Variants in NYAP2 observed in about 807,000 individuals in gnomAD.
The protein encoded by NYAP2 is neuronal tyrosine-phosphorylated phosphoinositide-3-kinase adapter 2.
In NYAP2, 23 loss-of-function variants were observed where a neutral mutation model predicts 50.4. That is an observed-to-expected ratio of 0.46 (90% CI 0.33 to 0.65). The LOEUF (loss-of-function observed/expected upper bound fraction) is 0.65, where lower values mean the gene tolerates loss of function less well. NYAP2 is among the 30% of genes least tolerant of loss of function. The pLI is 0.02. For missense variants in NYAP2, 885 were observed against 861.0 expected, an observed-to-expected ratio of 1.03 and a Z score of -0.35; for synonymous variants, 394 against 365.2, an observed-to-expected ratio of 1.08 and a Z score of -0.90.
chr2:225,693,547 T>G, the NYAP2 span, among the ~76,000 whole-genome samples: 1 of 151,984 alleles, frequency 6.6e-6, no homozygotes, highest in African/African-American at 2.4e-5. Context: ...CAAAAAGTTA[T>G]TTTTCACCGT....
intron 4 of NYAP2, among the ~76,000 whole-genome samples, chr2:225,579,094 G>GGAGA (rs34026452): frequency 0.034 from 4,946 of 147,390 alleles, 109 homozygotes; most frequent in Admixed American, 0.067. Context: ...AGAAGAGAGG[G>GGAGA]GAGAGAGAGA....
chr2:225,604,637 G>A (rs1692752940), intron 5 of NYAP2, among the ~76,000 whole-genome samples: 3 of 150,102 alleles, frequency 2.0e-5, no homozygotes, highest in Admixed American at 2.0e-4. Flanking sequence ...CATTTACAAT[G>A]TCATTTTGGA....
chr2:225,409,837 G>A (rs1695004936), intron 3 of NYAP2, among the ~76,000 whole-genome samples: 2 of 152,086 alleles, frequency 1.3e-5, no homozygotes, highest in Non-Finnish European at 2.9e-5. Context: ...GTGGTACAGA[G>A]AGAGACACCT....
At position 225,577,812 on chromosome 2, in the gene NYAP2, T is replaced by C. The variant is rs1426441961; in HGVS notation, c.524-4129T>C. Among the ~76,000 whole-genome samples the C allele has an allele frequency of 2.6e-5, 4 of 151,800 alleles. No homozygotes were observed. The East Asian group carries it at 7.7e-4, about 29-fold the overall frequency. On this transcript the variant is annotated intron_variant, in intron 4 of 6. Coordinates refer to ENST00000636099, the Ensembl canonical transcript of NYAP2. ...GTCAGGGAATGAAAAGCAGATTTTT[T>C]TTTTTTTTTAAAAAAAGAAGCCCCT...
At chr2:225,577,628 T>C (rs933603015) in intron 4 of NYAP2, among the ~76,000 whole-genome samples, 1 of 152,118 alleles carries the variant, frequency 6.6e-6, no homozygotes, top group Admixed American at 6.5e-5. Context: ...ACTCAATACT[T>C]GCACTAAGGT....
At chr2:225,413,978 A>G (rs1695086295) in intron 3 of NYAP2, among the ~76,000 whole-genome samples, 1 of 152,148 alleles carries the variant, frequency 6.6e-6, no homozygotes, top group South Asian at 2.1e-4. Flanking sequence ...TGGAAATAGG[A>G]TTTCGTATGA....
chr2:225,541,172 T>G (rs772175845), intron 4 of NYAP2, among the ~76,000 whole-genome samples: 1 of 152,196 alleles, frequency 6.6e-6, no homozygotes, highest in Non-Finnish European at 1.5e-5. Context: ...TTGAGCTCCT[T>G]ATATATTCAG....
At chr2:225,440,015 C>A (rs927707637) in intron 3 of NYAP2, among the ~76,000 whole-genome samples, 12 of 152,166 alleles carry the variant, frequency 7.9e-5, no homozygotes, top group African/African-American at 2.9e-4. Flanking sequence ...ACCATCAGAT[C>A]TTGTGAGACT....
At chr2:225,677,645 G>A in the NYAP2 span, among the ~76,000 whole-genome samples, 1 of 152,064 alleles carries the variant, frequency 6.6e-6, no homozygotes, top group Non-Finnish European at 1.5e-5. Flanking sequence ...TTTTATTGAA[G>A]TCTTTCTCTG....
chr2:225,572,444 G>T (rs557300521), intron 4 of NYAP2, among the ~76,000 whole-genome samples: 25 of 152,278 alleles, frequency 1.6e-4, no homozygotes, highest in African/African-American at 5.8e-4. Flanking sequence ...TCACAGGGGT[G>T]CAGGAGAGAG....
intron 3 of NYAP2, among the ~76,000 whole-genome samples, chr2:225,512,707 CT>C (rs1167804462): frequency 7.4e-6 from 1 of 135,426 alleles, no homozygotes; most frequent in Non-Finnish European, 1.6e-5. Flanking sequence ...TTTGCTTTTT[CT>C]TTTTTCTTTT....
At chr2:225,548,130 T>A (rs1691615790) in intron 4 of NYAP2, among the ~76,000 whole-genome samples, 1 of 151,884 alleles carries the variant, frequency 6.6e-6, no homozygotes, top group Non-Finnish European at 1.5e-5. Flanking sequence ...TAGTAATTAC[T>A]TACCCCACTG....
chr2:225,450,040 A>C (rs967598418), intron 3 of NYAP2, among the ~76,000 whole-genome samples: 2 of 151,492 alleles, frequency 1.3e-5, no homozygotes, highest in Non-Finnish European at 2.9e-5. Context: ...AATCAGAGAA[A>C]GATAGAGAAA....
chr2:225,414,088 C>A (rs974494290), intron 3 of NYAP2, among the ~76,000 whole-genome samples: 2 of 152,174 alleles, frequency 1.3e-5, no homozygotes, highest in Non-Finnish European at 2.9e-5. Flanking sequence ...TCATCACTTT[C>A]TCAGTGTTCT....
intron 4 of NYAP2, among the ~76,000 whole-genome samples, chr2:225,579,365 A>G (rs528827663): frequency 1.3e-5 from 2 of 152,352 alleles, no homozygotes; most frequent in Non-Finnish European, 1.5e-5. Flanking sequence ...CGTGTCATAC[A>G]ACATCTATAC....
chr2:225,676,068 C>T, the NYAP2 span, among the ~76,000 whole-genome samples: 1 of 152,006 alleles, frequency 6.6e-6, no homozygotes, highest in Non-Finnish European at 1.5e-5. Flanking sequence ...TTATCAGAGG[C>T]ACAGTTTATG....
chr2:225,691,017 T>C, the NYAP2 span, among the ~76,000 whole-genome samples: 1 of 151,970 alleles, frequency 6.6e-6, no homozygotes, highest in Non-Finnish European at 1.5e-5. Context: ...AACCATTTAC[T>C]GAGGTGCAGG....
At chr2:225,696,193 G>A in the NYAP2 span, among the ~76,000 whole-genome samples, 4 of 151,832 alleles carry the variant, frequency 2.6e-5, no homozygotes, top group East Asian at 5.8e-4. Flanking sequence ...TTTGATATAG[G>A]TCTGTATCAT....
At chr2:225,514,266 A>C (rs1482589092) in intron 4 of NYAP2, among the ~76,000 whole-genome samples, 6 of 152,212 alleles carry the variant, frequency 3.9e-5, no homozygotes, top group South Asian at 4.1e-4. Flanking sequence ...AGGTCATATT[A>C]ACACTAGATC....
Sources: allele counts gnomAD v4.1 joint callset (sites outside exome capture counted in the v4.1 genomes callset), GRCh38; gene constraint gnomAD v4.1.1; transcripts MANE v1.5; gene names NCBI Gene and HGNC (gene_info 2026-07-23, HGNC 2026-07-21).